The following RNF38 variants were observed in gnomAD, a reference collection of about 807,000 sequenced individuals.
The protein encoded by RNF38 is ring finger protein 38, also known as E3 ubiquitin-protein ligase RNF38.
A neutral mutation model predicts 67.2 loss-of-function variants in RNF38; 15 were observed. The ratio of observed to expected loss-of-function variants is 0.22; its 90% CI spans 0.15 to 0.34. The LOEUF (loss-of-function observed/expected upper bound fraction) is 0.34, where lower values mean the gene tolerates loss of function less well. Among genes scored for constraint, RNF38 ranks in the 10% least tolerant of loss-of-function variants. The pLI is 1.00. For missense variants in RNF38, 524 were observed against 639.9 expected (o/e 0.82, Z 1.95); for synonymous variants, 220 against 218.8 (o/e 1.01, Z -0.05).
At chr9:36,446,011 T>C (rs1234225832) in intron 1 of RNF38, among the ~76,000 whole-genome samples, 1 of 152,158 alleles carries the variant, frequency 6.6e-6, no homozygotes, top group Non-Finnish European at 1.5e-5. Flanking sequence ...TTGTCTTCCA[T>C]CTTTCCCGCC....
intron 11 of RNF38, 100 bp downstream of exon 11, chr9:36,342,225 T>G: frequency 1.2e-6 from 1 of 817,514 alleles, no homozygotes; most frequent in South Asian, 1.5e-5. Context: ...GTTTCCATTT[T>G]GTCTTCCTTC....
intron 3 of RNF38, among the ~76,000 whole-genome samples, chr9:36,371,806 A>ATTTAGAAC (rs1587535705): frequency 2.0e-5 from 3 of 151,892 alleles, no homozygotes; most frequent in African/African-American, 7.3e-5. Flanking sequence ...AATATTAGAC[A>ATTTAGAAC]TTTAGAACTT....
intron 2 of RNF38, among the ~76,000 whole-genome samples, chr9:36,408,266 A>ATTTT (rs35564069): frequency 7.4e-6 from 1 of 134,716 alleles, no homozygotes; most frequent in Non-Finnish European, 1.6e-5. Flanking sequence ...AACAGACTTA[A>ATTTT]TTTTTTTTTT....
chr9:36,391,986 G>A (rs1234343283), intron 1 of RNF38, among the ~76,000 whole-genome samples: 1 of 152,138 alleles, frequency 6.6e-6, no homozygotes, highest in African/African-American at 2.4e-5. Flanking sequence ...TAAGTATTAT[G>A]GTAACGCTAG....
chr9:36,475,981 C>T (rs1587209505), intron 1 of RNF38, among the ~76,000 whole-genome samples: 1 of 146,324 alleles, frequency 6.8e-6, no homozygotes, highest in East Asian at 2.0e-4. Flanking sequence ...TGTACTCCAG[C>T]CTGGGTGACA....
chr9:36,418,325 T>A (rs375590085), intron 2 of RNF38, among the ~76,000 whole-genome samples: 1 of 150,664 alleles, frequency 6.6e-6, no homozygotes, highest in African/African-American at 2.4e-5. Flanking sequence ...CATGAGCCAC[T>A]GCGCCTGGCC....
chr9:36,383,739 C>T (rs1456053290), intron 2 of RNF38, among the ~76,000 whole-genome samples: 1 of 151,288 alleles, frequency 6.6e-6, no homozygotes, highest in Non-Finnish European at 1.5e-5. Context: ...CAAAAGTTAC[C>T]ATGTTGTTTT....
At chr9:36,401,713 G>A (rs1838041332), upstream of RNF38, among the ~76,000 whole-genome samples, 1 of 152,156 alleles carries the variant, frequency 6.6e-6, no homozygotes, top group African/African-American at 2.4e-5. Context: ...TAGTAAAGTG[G>A]TATCAGACTT....
At chr9:36,409,773 C>T (rs927908790) in intron 2 of RNF38, among the ~76,000 whole-genome samples, 2 of 152,210 alleles carry the variant, frequency 1.3e-5, no homozygotes, top group African/African-American at 4.8e-5. Flanking sequence ...TCCACAAACC[C>T]TGTATCCTCC....
chr9:36,403,040 TCCTCCCATATTGG>T (rs774756411), upstream of RNF38, among the ~76,000 whole-genome samples: 6 of 152,158 alleles, frequency 3.9e-5, no homozygotes, highest in Non-Finnish European at 8.8e-5. Flanking sequence ...GCTCAAGCAG[TCCTCCCATATTGG>T]CCTCCCAGAA....
At chr9:36,383,644 TTC>T (rs1421589555) in intron 2 of RNF38, among the ~76,000 whole-genome samples, 1 of 152,196 alleles carries the variant, frequency 6.6e-6, no homozygotes, top group African/African-American at 2.4e-5. Flanking sequence ...TGCAATGAAA[TTC>T]TGTCTCTCAA....
intron 6 of RNF38, 140 bp downstream of exon 6, chr9:36,356,163 G>A (rs1587491475): frequency 8.6e-6 from 7 of 811,960 alleles, no homozygotes; most frequent in Non-Finnish European, 1.4e-5. Flanking sequence ...CTATGTTTAA[G>A]CATGCCATTT....
At chr9:36,401,068 G>A (rs1483053731), upstream of RNF38, 5 of 984,642 alleles carry the variant, frequency 5.1e-6, no homozygotes, top group East Asian at 1.1e-4. Flanking sequence ...CGGGTCGCCC[G>A]TCCCACCCCG....
chr9:36,416,133 G>A (rs1192403294), intron 2 of RNF38, among the ~76,000 whole-genome samples: 1 of 140,246 alleles, frequency 7.1e-6, no homozygotes, highest in Non-Finnish European at 1.5e-5. Context: ...TAAGGGCCAG[G>A]TTAGGCATAT....
chr9:36,406,295 A>G (rs1838180351), intron 2 of RNF38, among the ~76,000 whole-genome samples: 1 of 152,230 alleles, frequency 6.6e-6, no homozygotes, highest in South Asian at 2.1e-4. Flanking sequence ...ACATGGAAGG[A>G]AATGTCAAAG....
chr9:36,372,914 T>C (rs1262457968), intron 3 of RNF38, among the ~76,000 whole-genome samples: 1 of 152,150 alleles, frequency 6.6e-6, no homozygotes, highest in African/African-American at 2.4e-5. Context: ...GTATTGTTTA[T>C]AATACTAAGA....
At chr9:36,398,147 G>GA (rs1837682756) in intron 1 of RNF38, among the ~76,000 whole-genome samples, 2 of 152,156 alleles carry the variant, frequency 1.3e-5, no homozygotes, top group African/African-American at 2.4e-5. Flanking sequence ...ATGGGAAAAA[G>GA]AAACAGTCCT....
intron 1 of RNF38, among the ~76,000 whole-genome samples, chr9:36,393,072 C>T (rs1837232821): frequency 6.6e-6 from 1 of 152,206 alleles, no homozygotes; most frequent in Admixed American, 6.5e-5. Flanking sequence ...TTCATTTGCT[C>T]ATTATGTATC....
At chr9:36,342,466 G>T (rs754074782) in intron 10 of RNF38, 42 bp from the exon 11 acceptor site, 4 of 1,245,482 alleles carry the variant, frequency 3.2e-6, no homozygotes, top group Non-Finnish European at 3.5e-6. Flanking sequence ...AAACCAGATG[G>T]TTTTCTATTG....
Sources: allele counts gnomAD v4.1 joint callset (sites outside exome capture counted in the v4.1 genomes callset), GRCh38; gene constraint gnomAD v4.1.1; transcripts MANE v1.5; gene names NCBI Gene and HGNC (gene_info 2026-07-23, HGNC 2026-07-21).